CTNND2: variants seen among roughly 807,000 people sequenced by gnomAD.
CTNND2 encodes catenin delta-2.
A neutral mutation model predicts 144.4 loss-of-function variants in CTNND2; 22 were observed. The observed-to-expected ratio is 0.15, with a 90% CI of 0.11 to 0.22. The LOEUF (loss-of-function observed/expected upper bound fraction) is 0.22. Among genes scored for constraint, CTNND2 ranks in the 10% least tolerant of loss-of-function variants. CTNND2 has a pLI of 1.00. For missense variants in CTNND2, 1,353 were observed against 1,618.8 expected, an observed-to-expected ratio of 0.84 and a Z score of 2.82; for synonymous variants, 751 against 695.6, an observed-to-expected ratio of 1.08 and a Z score of -1.25.
chr5:11,329,410 C>T (rs958156156), intron 9 of CTNND2, among the ~76,000 whole-genome samples: 5 of 152,206 alleles, frequency 3.3e-5, no homozygotes, highest in African/African-American at 1.2e-4. Flanking sequence ...ATCCCTCGGC[C>T]TCCCAAAGTG....
chr5:11,788,371 A>G (rs1301254433), intron 1 of CTNND2, among the ~76,000 whole-genome samples: 6 of 152,208 alleles, frequency 3.9e-5, no homozygotes, highest in African/African-American at 7.2e-5. Context: ...AGCAAGTATC[A>G]TAACTTTATC....
chr5:11,115,907 T>C (rs1753492711), intron 13 of CTNND2, among the ~76,000 whole-genome samples: 1 of 148,502 alleles, frequency 6.7e-6, no homozygotes, highest in East Asian at 2.4e-4. Flanking sequence ...CTATGCTAAC[T>C]TATACACACA....
chr5:11,185,754 T>C (rs1667422380), intron 11 of CTNND2, among the ~76,000 whole-genome samples: 1 of 152,160 alleles, frequency 6.6e-6, no homozygotes, highest in Non-Finnish European at 1.5e-5. Flanking sequence ...CAAAAACATC[T>C]GTTGGAAAGG....
At chr5:11,728,463 G>A (rs1031032589) in intron 2 of CTNND2, among the ~76,000 whole-genome samples, 4 of 152,142 alleles carry the variant, frequency 2.6e-5, no homozygotes, top group Non-Finnish European at 5.9e-5. Flanking sequence ...GGGCGACAGA[G>A]CGACACTCCA....
intron 18 of CTNND2, among the ~76,000 whole-genome samples, chr5:11,001,367 G>A (rs1739943548): frequency 6.6e-6 from 1 of 152,118 alleles, no homozygotes; most frequent in Non-Finnish European, 1.5e-5. Context: ...GTAATAAAAT[G>A]CTTTTACATC....
chr5:11,230,618 T>G (rs1328209862), intron 10 of CTNND2, among the ~76,000 whole-genome samples: 2 of 152,108 alleles, frequency 1.3e-5, no homozygotes, highest in Admixed American at 6.5e-5. Flanking sequence ...AGATATTCAT[T>G]CACCCATGAA....
chr5:11,687,137 A>G (rs2126640176), intron 2 of CTNND2, among the ~76,000 whole-genome samples: 1 of 152,184 alleles, frequency 6.6e-6, no homozygotes, highest in African/African-American at 2.4e-5. Context: ...TAACCTCCAA[A>G]CTGGCTTCCC....
chr5:11,583,494 T>C (rs1289776258), intron 2 of CTNND2, among the ~76,000 whole-genome samples: 2 of 152,214 alleles, frequency 1.3e-5, no homozygotes, highest in South Asian at 2.1e-4. Flanking sequence ...CAAAATCCTG[T>C]GTTCATTTAA....
intron 2 of CTNND2, among the ~76,000 whole-genome samples, chr5:11,619,977 A>G (rs1302402471): frequency 6.6e-6 from 1 of 152,244 alleles, no homozygotes; most frequent in Non-Finnish European, 1.5e-5. Context: ...GTTTTCAATA[A>G]ATGTTTAAAA....
At chr5:11,032,681 CA>C (rs1743607058) in intron 16 of CTNND2, among the ~76,000 whole-genome samples, 1 of 151,990 alleles carries the variant, frequency 6.6e-6, no homozygotes, top group Non-Finnish European at 1.5e-5. Context: ...TACTACTTAG[CA>C]ATCAAAAGGA....
intron 2 of CTNND2, among the ~76,000 whole-genome samples, chr5:11,668,916 C>CTT (rs993648754): frequency 2.0e-5 from 3 of 152,080 alleles, no homozygotes; most frequent in African/African-American, 7.2e-5. Flanking sequence ...ATAAATAGCT[C>CTT]TTATTATTTT....
chr5:11,361,855 C>T (rs1383028446), intron 8 of CTNND2, among the ~76,000 whole-genome samples: 2 of 152,196 alleles, frequency 1.3e-5, no homozygotes, highest in Non-Finnish European at 2.9e-5. Flanking sequence ...AAGTGTTGAC[C>T]CCTTGAAGGG....
chr5:11,749,243 T>C (rs931367925), intron 1 of CTNND2, among the ~76,000 whole-genome samples: 5 of 152,052 alleles, frequency 3.3e-5, no homozygotes, highest in African/African-American at 1.2e-4. Context: ...CCTAGATTCT[T>C]GACTCACAGA....
intron 2 of CTNND2, among the ~76,000 whole-genome samples, chr5:11,712,064 C>T (rs562335220): frequency 6.6e-6 from 1 of 152,282 alleles, no homozygotes; most frequent in African/African-American, 2.4e-5. Context: ...TTCCCTATTT[C>T]TTTGCCTGTG....
chr5:11,227,541 A>C (rs762757457), intron 10 of CTNND2, among the ~76,000 whole-genome samples: 1 of 152,250 alleles, frequency 6.6e-6, no homozygotes, highest in Non-Finnish European at 1.5e-5. Context: ...AGTTGACTGA[A>C]AAGATGAATA....
At position 11,098,729 on chromosome 5, in the gene CTNND2, A is replaced by G; in HGVS notation, c.2483T>C (p.Leu828Pro). 1 of 1,614,130 alleles carries G rather than the reference A, an allele frequency of 6.2e-7. No homozygotes were observed. The highest frequency in any genetic ancestry group is 8.5e-7 in the Non-Finnish European group (1 of 1,179,990). ...SQDQWDGVGP[L>P]PDCAEPPKGI... ...TTTTGGTGGTTCAGCACAGTCTGGA[A>G]GAGGTCCTACTCCATCCCACTGGCG... Residue 828 changes from leucine to proline, a missense_variant, in exon 15 of 22, where the codon CTT becomes CCT. By Grantham distance (98) the Leu-to-Pro change is moderately conservative (BLOSUM62 -3). This residue lies in a region of CTNND2 where 459 missense variants were observed against 674.3 expected (regional missense o/e 0.68). Transcript: ENST00000304623.
At chr5:11,141,055 A>T (rs1410772261) in intron 12 of CTNND2, among the ~76,000 whole-genome samples, 1 of 152,150 alleles carries the variant, frequency 6.6e-6, no homozygotes, top group Non-Finnish European at 1.5e-5. Context: ...CCCAGGCTCA[A>T]GCGATCCTCT....
intron 2 of CTNND2, among the ~76,000 whole-genome samples, chr5:11,572,739 T>C (rs753741931): frequency 2.0e-5 from 3 of 152,128 alleles, no homozygotes; most frequent in Non-Finnish European, 4.4e-5. Flanking sequence ...GTCTGGCCCA[T>C]CCTGTCTATA....
chr5:11,751,814 A>G (rs1199958331), intron 1 of CTNND2, among the ~76,000 whole-genome samples: 2 of 151,860 alleles, frequency 1.3e-5, no homozygotes, highest in African/African-American at 4.8e-5. Context: ...TGGCTGAACT[A>G]ATTTTCATCC....
Sources: gnomAD v4.1 joint callset for allele counts (sites outside exome capture counted in the v4.1 genomes callset) on GRCh38, gnomAD v4.1.1 for gene constraint, gnomAD v4.1.1 regional missense constraint, MANE v1.5 for transcripts, NCBI Gene and HGNC (gene_info 2026-07-23, HGNC 2026-07-21) for gene names.